Variants in PCDHGA2 observed in about 807,000 individuals in gnomAD.
PCDHGA2 encodes protocadherin gamma-A2.
Under a neutral mutation model 59.2 loss-of-function variants are expected in PCDHGA2, and 40 were observed. That is an observed-to-expected ratio of 0.68 (90% confidence interval 0.52 to 0.88). The LOEUF is 0.88. Ranked by LOEUF, PCDHGA2 falls within the 40% of genes least tolerant of loss-of-function variation. The pLI is 0.00. For missense variants in PCDHGA2, 1,226 were observed against 1,204.0 expected (o/e 1.02, Z -0.27); for synonymous variants, 560 against 526.0 (o/e 1.06, Z -0.89).
intron 1 of PCDHGA2, among the ~76,000 whole-genome samples, chr5:141,358,517 T>C (rs1342877087): frequency 6.6e-6 from 1 of 152,238 alleles, no homozygotes; most frequent in African/African-American, 2.4e-5. Flanking sequence ...CTCAATGAAC[T>C]GGTATATTTC....
At chr5:141,415,002 C>T in intron 1 of PCDHGA2, 2 of 1,613,668 alleles carry the variant, frequency 1.2e-6, no homozygotes, top group East Asian at 2.2e-5. Flanking sequence ...CCTGGCTGTC[C>T]TACCGTCTGC....
chr5:141,455,897 T>C (rs1330516646), intron 1 of PCDHGA2, among the ~76,000 whole-genome samples: 1 of 149,800 alleles, frequency 6.7e-6, no homozygotes, highest in African/African-American at 2.4e-5. Flanking sequence ...ATTTATTTAT[T>C]TATTTATTTA....
chr5:141,431,162 G>C lies in PCDHGA2; in HGVS notation c.2425-63645G>C, dbSNP rs757521794. The C allele has an allele frequency of 3.1e-6, 5 of 1,614,246 alleles. No homozygotes were observed. The South Asian group carries it at 5.5e-5, about 18-fold the overall frequency. On this transcript the variant is annotated intron_variant, in intron 1 of 3. Coordinates refer to ENST00000394576, the MANE Select transcript of PCDHGA2 (RefSeq NM_018915.4). The surrounding 1 kb of genome is among the most constrained non-coding windows in gnomAD (Gnocchi z 4.8). Reference sequence around the variant, plus strand: ...TAACGACAATGCGCCTTACTTTCGTGAAAGTGAATTAGAAATAAAAATTAG... The same window carrying C: ...TAACGACAATGCGCCTTACTTTCGTCAAAGTGAATTAGAAATAAAAATTAG...
chr5:141,355,979 G>A (rs1277093940), intron 1 of PCDHGA2: 28 of 1,613,680 alleles, frequency 1.7e-5, no homozygotes, highest in Non-Finnish European at 2.1e-5. Context: ...GTAGGCACTC[G>A]GCTACTCACC....
At chr5:141,409,448 C>T in intron 1 of PCDHGA2, 1 of 1,613,546 alleles carries the variant, frequency 6.2e-7, no homozygotes, top group Non-Finnish European at 8.5e-7. Context: ...AGAGCAGACA[C>T]CAGAATACAA....
intron 1 of PCDHGA2, chr5:141,375,626 T>C (rs1370159999): frequency 6.2e-7 from 1 of 1,614,202 alleles, no homozygotes; most frequent in South Asian, 1.1e-5. Context: ...TGGGATTCTG[T>C]ACGCCCTGCG....
Position 141,431,412 on chromosome 5 carries a change from GC to G in PCDHGA2, c.2425-63394del. ...CTGGTCCTTACGGCCTCCGACGGGG[GC>G]GACCCGGTGCGCACAGGCACCGCGC... On this transcript the variant is annotated intron_variant, in intron 1 of 3. Coordinates refer to ENST00000394576, the MANE Select transcript of PCDHGA2 (RefSeq NM_018915.4). The surrounding 1 kb of genome is among the most constrained non-coding windows in gnomAD (Gnocchi z 4.8). The G allele has an allele frequency of 6.2e-7, 1 of 1,613,714 alleles. No homozygotes were observed. Among genetic ancestry groups the G allele is most frequent in the Non-Finnish European group, 8.5e-7 (1 of 1,180,050 alleles).
chr5:141,421,455 C>A (rs762490406), intron 1 of PCDHGA2: 1 of 1,614,108 alleles, frequency 6.2e-7, no homozygotes, highest in South Asian at 1.1e-5. Flanking sequence ...CACAGCTTTT[C>A]GCTGTGAATC....
chr5:141,349,949 A>G (rs1309563072), intron 1 of PCDHGA2, among the ~76,000 whole-genome samples: 1 of 152,216 alleles, frequency 6.6e-6, no homozygotes, highest in South Asian at 2.1e-4. Flanking sequence ...TCCCTCCAGC[A>G]AATTAAAGAC....
At chr5:141,371,574 A>G (rs1180063377) in intron 1 of PCDHGA2, 2 of 1,613,828 alleles carry the variant, frequency 1.2e-6, no homozygotes, top group East Asian at 4.5e-5. Flanking sequence ...CCCCTTTAAA[A>G]TCGTTCAAGA....
At chr5:141,502,472 A>T (rs1450967250) in intron 2 of PCDHGA2, among the ~76,000 whole-genome samples, 1 of 150,886 alleles carries the variant, frequency 6.6e-6, no homozygotes, top group Non-Finnish European at 1.5e-5. Flanking sequence ...TACTTCCCGC[A>T]GCATCACACT....
At chr5:141,450,679 G>A (rs2098690217) in intron 1 of PCDHGA2, among the ~76,000 whole-genome samples, 2 of 151,914 alleles carry the variant, frequency 1.3e-5, no homozygotes, top group Non-Finnish European at 2.9e-5. Context: ...TAGAAACGGG[G>A]TTTTGCCATG....
rs1177173734 is a variant in PCDHGA2, at chr5:141,491,741, G to A, written c.2425-3066G>A. ...CCGCCCCGGGCGACCCCTGGGGGCG[G>A]CACTGGAGAAGCCGCCCGTCCTCAT... On this transcript the variant is annotated intron_variant, in intron 1 of 3. Coordinates refer to ENST00000394576, the MANE Select transcript of PCDHGA2 (RefSeq NM_018915.4). The surrounding 1 kb of genome is among the most constrained non-coding windows in gnomAD (Gnocchi z 6.9). 1.9e-6 allele frequency: 3 copies of A among 1,595,644 alleles called. No homozygotes were observed. In the South Asian group the frequency reaches 3.4e-5, roughly 18 times the overall value.
Position 141,384,048 on chromosome 5 carries a change from C to A in PCDHGA2, c.2424+42653C>A, listed in dbSNP as rs111794989. 4,325 of 1,611,882 alleles carry A rather than the reference C, an allele frequency of 2.7e-3. 15 individuals carry two copies. Among genetic ancestry groups the A allele is most frequent in the Admixed American group, 9.3e-3 (555 of 59,694 alleles). ...ATTCTGGAAAGAATGGTGAGGTGACCTGCACCATTCCAGAAAACCTACCTT... is the reference window on the plus strand; with the variant it reads ...ATTCTGGAAAGAATGGTGAGGTGACATGCACCATTCCAGAAAACCTACCTT... On this transcript the variant is annotated intron_variant, in intron 1 of 3. Transcript: ENST00000394576.
At chr5:141,451,954 G>A (rs2098729151) in intron 1 of PCDHGA2, among the ~76,000 whole-genome samples, 1 of 152,084 alleles carries the variant, frequency 6.6e-6, no homozygotes, top group Non-Finnish European at 1.5e-5. Flanking sequence ...CCGAGAAAGT[G>A]ACATACCATC....
intron 1 of PCDHGA2, chr5:141,395,075 C>A: frequency 6.2e-7 from 1 of 1,614,124 alleles, no homozygotes; most frequent in Non-Finnish European, 8.5e-7. Context: ...AGACCTATTC[C>A]CAGGAAGTCT....
In PCDHGA2 at chr5:141,477,018, C is replaced by T. The variant is rs2099403540; in HGVS notation, c.2425-17789C>T. The T allele has an allele frequency of 3.1e-6, 5 of 1,614,262 alleles. No homozygotes were observed. Among genetic ancestry groups the T allele is most frequent in the Non-Finnish European group, 4.2e-6 (5 of 1,180,048 alleles). ...CAACTATTCGCCTTAGACCTTGTAA[C>T]CGGGATGCTGACAATCAAGGGTCGG... On this transcript the variant is annotated intron_variant, in intron 1 of 3. Coordinates refer to ENST00000394576, the MANE Select transcript of PCDHGA2 (RefSeq NM_018915.4). The surrounding 1 kb of genome is among the most constrained non-coding windows in gnomAD (Gnocchi z 4.9).
chr5:141,418,264 A>C, intron 1 of PCDHGA2: 1 of 1,614,082 alleles, frequency 6.2e-7, no homozygotes, highest in Non-Finnish European at 8.5e-7. Flanking sequence ...AATTCCGGAA[A>C]GATGAAATAA....
rs777710801 is a variant in PCDHGA2, at chr5:141,400,340, A to G, written c.2424+58945A>G. On this transcript the variant is annotated intron_variant, in intron 1 of 3. Transcript: ENST00000394576. ...AAGTCTGGACCTGTGGTTCCCCCCA[A>G]CTACAGTCAGGGGACTTTGCCTTAT... The G allele has an allele frequency of 5.0e-6, 8 of 1,613,856 alleles. No homozygotes were observed. The highest frequency in any genetic ancestry group is 1.3e-5 in the African/African-American group (1 of 74,922).
Sources: gnomAD v4.1 joint callset for allele counts (sites outside exome capture counted in the v4.1 genomes callset) on GRCh38, gnomAD v4.1.1 for gene constraint, Gnocchi (gnomAD v3.1) non-coding constraint, MANE v1.5 for transcripts, NCBI Gene and HGNC (gene_info 2026-07-23, HGNC 2026-07-21) for gene names.